The following DAB1 variants were observed in gnomAD, a reference collection of about 807,000 sequenced individuals.
DAB1 encodes disabled homolog 1.
Under a neutral mutation model 64.6 loss-of-function variants are expected in DAB1, and 15 were observed. The observed-to-expected ratio is 0.23, with a 90% CI of 0.16 to 0.36. The LOEUF is 0.36. Among genes scored for constraint, DAB1 ranks in the 10% least tolerant of loss-of-function variants. DAB1 has a pLI of 1.00. For missense variants in DAB1, 596 were observed against 706.7 expected (o/e 0.84, Z 1.78); for synonymous variants, 235 against 251.9 (o/e 0.93, Z 0.64).
intron 3 of DAB1, among the ~76,000 whole-genome samples, chr1:58,393,142 T>A (rs1644489980): frequency 7.3e-6 from 1 of 136,466 alleles, no homozygotes; most frequent in Non-Finnish European, 1.6e-5. Flanking sequence ...TTTTTTTTTT[T>A]TATAGATACA....
intron 7 of DAB1, among the ~76,000 whole-genome samples, chr1:57,516,192 G>A (rs1342996332): frequency 6.6e-6 from 1 of 152,220 alleles, no homozygotes; most frequent in African/African-American, 2.4e-5. Flanking sequence ...AAAAAACACT[G>A]CAGACATGAT....
chr1:58,017,900 G>A (rs998256787), intron 5 of DAB1, among the ~76,000 whole-genome samples: 1 of 152,200 alleles, frequency 6.6e-6, no homozygotes, highest in Non-Finnish European at 1.5e-5. Flanking sequence ...AGCCCTCCTT[G>A]AGGCTGCAGC....
intron 6 of DAB1, among the ~76,000 whole-genome samples, chr1:57,778,030 C>T (rs1257725943): frequency 6.6e-6 from 1 of 152,066 alleles, no homozygotes; most frequent in African/African-American, 2.4e-5. Context: ...ATCATGGAGT[C>T]TTCATTGAAA....
At chr1:58,356,201 G>A (rs2100520071) in intron 3 of DAB1, among the ~76,000 whole-genome samples, 1 of 152,218 alleles carries the variant, frequency 6.6e-6, no homozygotes, top group Non-Finnish European at 1.5e-5. Flanking sequence ...TCAGCTTTGG[G>A]TTCTAGTTGC....
chr1:58,485,281 G>T (rs1209854070), intron 3 of DAB1, among the ~76,000 whole-genome samples: 1 of 145,324 alleles, frequency 6.9e-6, no homozygotes, highest in Non-Finnish European at 1.5e-5. Flanking sequence ...AAAAAAGCTG[G>T]GTTTAGAACC....
At chr1:57,266,024 G>A (rs1342370587) in intron 2 of DAB1, among the ~76,000 whole-genome samples, 1 of 152,082 alleles carries the variant, frequency 6.6e-6, no homozygotes, top group Non-Finnish European at 1.5e-5. Flanking sequence ...GGCAGGCCAG[G>A]GGCCCATGCT....
chr1:58,493,650 G>A (rs895461867), intron 3 of DAB1, among the ~76,000 whole-genome samples: 1 of 151,548 alleles, frequency 6.6e-6, no homozygotes, highest in Non-Finnish European at 1.5e-5. Flanking sequence ...CAAATCATGA[G>A]TGAACTCCCA....
chr1:57,810,261 G>A (rs1651555256), intron 6 of DAB1, among the ~76,000 whole-genome samples: 1 of 152,190 alleles, frequency 6.6e-6, no homozygotes, highest in South Asian at 2.1e-4. Context: ...CTCCTTAAGA[G>A]AAGAGGGCCT....
chr1:57,550,786 A>G (rs999944298), intron 7 of DAB1, among the ~76,000 whole-genome samples: 2 of 152,216 alleles, frequency 1.3e-5, no homozygotes, highest in Non-Finnish European at 2.9e-5. Context: ...TTAGTAAACT[A>G]TCTAAAAGCA....
intron 4 of DAB1, among the ~76,000 whole-genome samples, chr1:58,195,729 A>G (rs1313395437): frequency 6.6e-6 from 1 of 152,222 alleles, no homozygotes; most frequent in African/African-American, 2.4e-5. Context: ...AGAGTCTATA[A>G]AGTGCAACAC....
At chr1:57,199,314 C>A (rs541201108) in intron 2 of DAB1, among the ~76,000 whole-genome samples, 7 of 152,144 alleles carry the variant, frequency 4.6e-5, no homozygotes, top group African/African-American at 1.7e-4. Context: ...CCTTAAAAAA[C>A]CCACACAGAG....
chr1:57,091,359 T>G (rs547072005), intron 4 of DAB1, among the ~76,000 whole-genome samples: 4 of 152,354 alleles, frequency 2.6e-5, no homozygotes, highest in African/African-American at 7.2e-5. Context: ...CATTGTATCA[T>G]TCAAGGTTCT....
rs943226864 is a variant in DAB1 at position 57,708,536 on chromosome 1, G to GT, written n.552-58872_552-58871insA. On this transcript the variant is annotated intron_variant and non_coding_transcript_variant, in intron 6 of 20. Transcript: ENST00000485760. ...TTGCCCTAGGACTGTGGTCCTTGTGGCATGACTGCTACTCAAATTTATTCT... is the reference window on the plus strand; with the variant it reads ...TTGCCCTAGGACTGTGGTCCTTGTGGTCATGACTGCTACTCAAATTTATTCT... 1.6e-3 allele frequency among the ~76,000 whole-genome samples: 239 copies of GT among 152,288 alleles called. 3 individuals carry two copies. In the East Asian group the frequency reaches 0.041, roughly 26 times the overall value.
intron 9 of DAB1, among the ~76,000 whole-genome samples, chr1:57,028,880 G>A (rs984297761): frequency 6.6e-6 from 1 of 152,118 alleles, no homozygotes; most frequent in African/African-American, 2.4e-5. Flanking sequence ...AAGGGAAGCA[G>A]AGCATAAAAG....
chr1:57,037,355 C>T (rs1399892539), intron 9 of DAB1, among the ~76,000 whole-genome samples: 1 of 152,202 alleles, frequency 6.6e-6, no homozygotes, highest in Non-Finnish European at 1.5e-5. Context: ...ATGAATAACA[C>T]ATGGTCCTTC....
rs149545090 is a variant in DAB1, at chr1:57,142,598, T to TCACACACACACACACACACA, written c.207+2672_207+2691dup. 1.3e-4 allele frequency among the ~76,000 whole-genome samples: 18 copies of TCACACACACACACACACACA among 142,814 alleles called. No individual in the cohort carries two copies. The East Asian group carries it at 1.7e-3, about 13-fold the overall frequency. The allele number at this position is 142,814 out of a possible 152,430, so 93.7% of individuals were successfully genotyped here. A position where few individuals can be genotyped will look rare whatever the true frequency, so the allele number is the denominator to read the frequency against. On this transcript the variant is annotated intron_variant, in intron 3 of 14. Transcript: ENST00000371236. ...GACAGATGGAGCACTTCACTGCAGGTCACACACACACACACACACACACAC... is the reference window on the plus strand; with the variant it reads ...GACAGATGGAGCACTTCACTGCAGGTCACACACACACACACACACACACACACACACACACACACACACAC...
chr1:58,545,830 A>C (rs1646693791), intron 1 of DAB1, among the ~76,000 whole-genome samples: 2 of 152,228 alleles, frequency 1.3e-5, no homozygotes, highest in African/African-American at 4.8e-5. Flanking sequence ...TAAAATAATC[A>C]TTCAAGCAAA....
chr1:57,201,667 G>A (rs1665107832), intron 2 of DAB1, among the ~76,000 whole-genome samples: 1 of 151,974 alleles, frequency 6.6e-6, no homozygotes, highest in Admixed American at 6.6e-5. Context: ...TGCCCTCAAG[G>A]AGCTTCCGTT....
At chr1:57,644,261 G>A (rs148081837) in intron 7 of DAB1, among the ~76,000 whole-genome samples, 7 of 152,290 alleles carry the variant, frequency 4.6e-5, no homozygotes, top group Middle Eastern at 3.4e-3. Context: ...TGAGGTCTGT[G>A]GCGATGAGGT....
Sources: gnomAD v4.1 joint callset for allele counts (sites outside exome capture counted in the v4.1 genomes callset) on GRCh38, gnomAD v4.1.1 for gene constraint, MANE v1.5 for transcripts, NCBI Gene and HGNC (gene_info 2026-07-23, HGNC 2026-07-21) for gene names.